Variants in TRPC5 observed in about 807,000 individuals in gnomAD.
The protein encoded by TRPC5 is short transient receptor potential channel 5.
A neutral mutation model predicts 56.5 loss-of-function variants in TRPC5; 9 were observed. The observed-to-expected ratio is 0.16, with a 90% CI of 0.10 to 0.28. TRPC5 has a LOEUF of 0.28. TRPC5 is among the 10% of genes least tolerant of loss of function. The pLI, the probability that TRPC5 is intolerant of heterozygous loss-of-function variation, is 1.00. For missense variants in TRPC5, 469 were observed against 748.9 expected (o/e 0.63, Z 4.36); for synonymous variants, 282 against 278.5 (o/e 1.01, Z -0.13).
intron 7 of TRPC5, among the ~76,000 whole-genome samples, chrX:111,812,184 T>C (rs1398062825): frequency 9.0e-6 from 1 of 110,848 alleles, no homozygotes; most frequent in Non-Finnish European, 1.9e-5. Context: ...TAAGCAGTTA[T>C]GTCCTTTAAA....
At chrX:112,081,140 A>T (rs1219726150) in intron 1 of TRPC5, among the ~76,000 whole-genome samples, 1 of 111,969 alleles carries the variant, frequency 8.9e-6, no homozygotes, top group Non-Finnish European at 1.9e-5. Context: ...AATAGGGAAA[A>T]AGCCCTTCTA....
At chrX:111,909,144 A>AATT (rs1925723974) in intron 3 of TRPC5, among the ~76,000 whole-genome samples, 1 of 91,768 alleles carries the variant, frequency 1.1e-5, no homozygotes, top group African/African-American at 4.4e-5. Flanking sequence ...ATAAATAAAT[A>AATT]AATTAATTAA....
chrX:111,969,242 T>C (rs1048637446), intron 1 of TRPC5, among the ~76,000 whole-genome samples: 6 of 111,477 alleles, frequency 5.4e-5, no homozygotes, highest in Non-Finnish European at 7.5e-5. Flanking sequence ...TTAAGGTTTG[T>C]ATATTGTTTT....
intron 1 of TRPC5, among the ~76,000 whole-genome samples, chrX:111,962,947 G>C (rs1285937956): frequency 2.7e-5 from 3 of 111,834 alleles, no homozygotes; most frequent in Non-Finnish European, 5.6e-5. Context: ...GTACCGGGTT[G>C]ATCTCACTAA....
chrX:111,993,220 AG>A (rs1432869938), intron 1 of TRPC5, among the ~76,000 whole-genome samples: 2 of 110,974 alleles, frequency 1.8e-5, no homozygotes, highest in African/African-American at 6.6e-5. Flanking sequence ...GTCCCTGCAA[AG>A]GACATGAACT....
intron 1 of TRPC5, among the ~76,000 whole-genome samples, chrX:112,015,383 A>AT (rs372246100): frequency 1.7e-4 from 18 of 105,196 alleles, no homozygotes; most frequent in South Asian, 8.3e-4. Context: ...AAGAATCTGG[A>AT]TTTTTTTTTT....
intron 1 of TRPC5, among the ~76,000 whole-genome samples, chrX:112,034,613 A>G (rs1929680828): frequency 9.2e-6 from 1 of 108,834 alleles, no homozygotes; most frequent in Non-Finnish European, 1.9e-5. Flanking sequence ...TTTATGTTGA[A>G]CCACACTTTC....
intron 2 of TRPC5, among the ~76,000 whole-genome samples, chrX:111,948,778 C>G (rs774439870): frequency 9.1e-6 from 1 of 110,457 alleles, no homozygotes; most frequent in East Asian, 2.9e-4. Flanking sequence ...AAAAATAAGC[C>G]TCAGAACTGA....
chrX:112,042,279 A>G (rs1929912617), intron 1 of TRPC5, among the ~76,000 whole-genome samples: 1 of 111,704 alleles, frequency 9.0e-6, no homozygotes, highest in African/African-American at 3.3e-5. Flanking sequence ...CAGCCGTTAA[A>G]TGCAGGATCC....
At chrX:111,951,539 A>C (rs2148638299) in intron 2 of TRPC5, among the ~76,000 whole-genome samples, 1 of 111,822 alleles carries the variant, frequency 8.9e-6, no homozygotes, top group Non-Finnish European at 1.9e-5. Context: ...TTGGAAGTGG[A>C]ATGAAGTCAC....
intron 5 of TRPC5, among the ~76,000 whole-genome samples, chrX:111,848,317 T>C (rs917558870): frequency 5.4e-5 from 6 of 111,655 alleles, no homozygotes; most frequent in African/African-American, 1.6e-4. Context: ...AATTTGGGCA[T>C]TGTCACTTAA....
At chrX:111,975,903 C>G (rs1031741705) in intron 1 of TRPC5, among the ~76,000 whole-genome samples, 3 of 110,772 alleles carry the variant, frequency 2.7e-5, no homozygotes, top group Non-Finnish European at 3.8e-5. Context: ...GACTCCGTCT[C>G]CAAAAGAAAA....
intron 3 of TRPC5, among the ~76,000 whole-genome samples, chrX:111,907,786 G>A (rs1925680984): frequency 9.0e-6 from 1 of 111,311 alleles, no homozygotes; most frequent in African/African-American, 3.3e-5. Flanking sequence ...ATTATATAAT[G>A]TGATAAAATA....
intron 1 of TRPC5, among the ~76,000 whole-genome samples, chrX:112,035,761 A>C (rs970989065): frequency 5.5e-5 from 6 of 108,534 alleles, no homozygotes; most frequent in Non-Finnish European, 1.1e-4. Flanking sequence ...CCTCCCGAGT[A>C]GCTGGGACTA....
In TRPC5 at chrX:111,921,152, G is replaced by C. The variant is rs72619723; in HGVS notation, c.379-8340C>G. On this transcript the variant is annotated intron_variant, in intron 2 of 10. Coordinates refer to ENST00000262839, the MANE Select transcript of TRPC5 (RefSeq NM_012471.3). ...AGCAAACTTCTTCTGTAAAAAGCCA[G>C]ACAGTAATTGATACTCTGTGGACCA... Among the ~76,000 whole-genome samples, 64 of 111,529 alleles carry C rather than the reference G, an allele frequency of 5.7e-4. No individual in the cohort carries two copies. In the East Asian group the frequency reaches 0.014, roughly 24 times the overall value.
intron 2 of TRPC5, 72 bp from the exon 3 acceptor site, chrX:111,912,884 A>C: frequency 9.5e-7 from 1 of 1,047,860 alleles, no homozygotes; most frequent in Non-Finnish European, 1.3e-6. Context: ...GGCCTATAAA[A>C]TGCTGGCGAT....
At chrX:111,802,987 G>T (rs945868603) in intron 7 of TRPC5, among the ~76,000 whole-genome samples, 6 of 110,735 alleles carry the variant, frequency 5.4e-5, no homozygotes, top group African/African-American at 2.0e-4. Flanking sequence ...TTTACATCAG[G>T]TGTTTCTCCT....
At chrX:111,842,103 G>GTGTATATATATATATTTTATATATATA (rs1187696577) in intron 6 of TRPC5, among the ~76,000 whole-genome samples, 199 of 86,800 alleles carry the variant, frequency 2.3e-3, no homozygotes, top group Non-Finnish European at 3.2e-3. Context: ...ATATGTATGT[G>GTGTATATATATATATTTTATATATATA]TGTATATATA....
chrX:111,863,273 A>G (rs930878983), intron 3 of TRPC5, among the ~76,000 whole-genome samples: 2 of 111,650 alleles, frequency 1.8e-5, no homozygotes, highest in African/African-American at 6.5e-5. Context: ...AGAATCTCCT[A>G]TTTTCAGGAA....
Sources: allele counts gnomAD v4.1 joint callset (sites outside exome capture counted in the v4.1 genomes callset), GRCh38; gene constraint gnomAD v4.1.1; transcripts MANE v1.5; gene names NCBI Gene and HGNC (gene_info 2026-07-23, HGNC 2026-07-21).